The following COL4A3 variants were observed in gnomAD, a reference collection of about 807,000 sequenced individuals.
COL4A3 encodes collagen type IV alpha 3 chain.
COL4A3 carries 135 observed loss-of-function variants against 217.4 expected under a neutral mutation model. That is an observed-to-expected ratio of 0.62 (90% CI 0.54 to 0.72). The LOEUF is 0.72. Ranked by LOEUF, COL4A3 falls within the 30% of genes least tolerant of loss-of-function variation. The pLI is 0.00. For synonymous variants in COL4A3, 690 were observed against 736.3 expected, an observed-to-expected ratio of 0.94 and a Z score of 1.02; for missense variants, 1,868 against 2,119.9, an observed-to-expected ratio of 0.88 and a Z score of 2.33.
chr2:227,225,491 C>A (rs2068037661), intron 1 of COL4A3, among the ~76,000 whole-genome samples: 1 of 152,142 alleles, frequency 6.6e-6, no homozygotes, highest in Non-Finnish European at 1.5e-5. Context: ...ACTTTCACCT[C>A]TCAGACAGAA....
At chr2:227,267,517 C>T (rs1293719485) in intron 23 of COL4A3, among the ~76,000 whole-genome samples, 1 of 152,160 alleles carries the variant, frequency 6.6e-6, no homozygotes, top group Non-Finnish European at 1.5e-5. Context: ...TGTGGTATTT[C>T]ACTTTCTTCT....
At position 227,263,859 on chromosome 2, in the gene COL4A3, A is replaced by G. The variant is rs750215871; in HGVS notation, c.1230A>G (p.Gly410=). ...KGSKGERGRP[G]KDAMGTPGSP... ...GTAAAGGGGAACGAGGCCGCCCAGG[A>G]AAGGATGCCATGGGGACTCCTGGGT... The change falls in exon 21 of 52, where the codon GGA becomes GGG. Residue 410 remains glycine (G), a synonymous_variant. Transcript: ENST00000396578. 1.2e-6 allele frequency: 2 copies of G among 1,614,148 alleles called. No individual in the cohort carries two copies. Among genetic ancestry groups the G allele is most frequent in the Non-Finnish European group, 1.7e-6 (2 of 1,179,998 alleles).
intron 1 of COL4A3, among the ~76,000 whole-genome samples, chr2:227,206,660 GC>G (rs11296554): frequency 0.14 from 21,783 of 152,082 alleles, 1,687 homozygotes; most frequent in Non-Finnish European, 0.16. Context: ...CTCAAGCCCT[GC>G]CCCAGACCTA....
At chr2:227,236,719 G>A (rs898177352) in intron 1 of COL4A3, among the ~76,000 whole-genome samples, 2 of 151,082 alleles carry the variant, frequency 1.3e-5, no homozygotes, top group African/African-American at 4.8e-5. Context: ...GAGTGCAGTG[G>A]CATGATCTCA....
intron 1 of COL4A3, among the ~76,000 whole-genome samples, chr2:227,215,945 G>A (rs150745295): frequency 6.6e-6 from 1 of 152,258 alleles, no homozygotes; most frequent in East Asian, 1.9e-4. Context: ...TGAACCTTGA[G>A]TTCCTTATGC....
chr2:227,176,205 T>A (rs1413932531), intron 1 of COL4A3, among the ~76,000 whole-genome samples: 1 of 152,224 alleles, frequency 6.6e-6, no homozygotes, highest in Non-Finnish European at 1.5e-5. Context: ...TAATTATTTA[T>A]GTACATATGG....
intron 1 of COL4A3, among the ~76,000 whole-genome samples, chr2:227,230,069 A>AAAGAG (rs1404876137): frequency 6.6e-6 from 1 of 151,638 alleles, no homozygotes; most frequent in Non-Finnish European, 1.5e-5. Context: ...AAAAAAAAGA[A>AAAGAG]ATTTCCCAAA....
chr2:227,225,315 C>A (rs1188046464), intron 1 of COL4A3, among the ~76,000 whole-genome samples: 1 of 152,318 alleles, frequency 6.6e-6, no homozygotes, highest in South Asian at 2.1e-4. Flanking sequence ...TGCGTCTCCA[C>A]CTGCCAGCCT....
chr2:227,293,575 C>T (rs2106228613), intron 38 of COL4A3, among the ~76,000 whole-genome samples: 1 of 152,228 alleles, frequency 6.6e-6, no homozygotes, highest in South Asian at 2.1e-4. Context: ...CAAATTCAGC[C>T]CAAGGATACA....
At chr2:227,255,137 C>T (rs1162206355) in intron 15 of COL4A3, among the ~76,000 whole-genome samples, 1 of 152,142 alleles carries the variant, frequency 6.6e-6, no homozygotes, top group African/African-American at 2.4e-5. Flanking sequence ...ATTGGCCCAG[C>T]TTGGTCATAT....
At chr2:227,261,485 C>T (rs1328842501) in intron 20 of COL4A3, among the ~76,000 whole-genome samples, 3 of 152,178 alleles carry the variant, frequency 2.0e-5, no homozygotes, top group African/African-American at 7.2e-5. Context: ...TGAGATGGCA[C>T]CACTGCACTC....
intron 1 of COL4A3, among the ~76,000 whole-genome samples, chr2:227,176,631 A>G (rs16823286): frequency 0.064 from 9,671 of 152,244 alleles, 370 homozygotes; most frequent in Admixed American, 0.092. Flanking sequence ...AAATGAGTTC[A>G]AGTGTATTTA....
chr2:227,276,197 T>G (rs1156841245), intron 26 of COL4A3, among the ~76,000 whole-genome samples, 188 bp from the exon 27 acceptor site: 1 of 152,232 alleles, frequency 6.6e-6, no homozygotes, highest in Non-Finnish European at 1.5e-5. Context: ...TTATAAATAT[T>G]TGTTGATTCA....
At chr2:227,211,709 G>A (rs1251041360) in intron 1 of COL4A3, among the ~76,000 whole-genome samples, 1 of 151,382 alleles carries the variant, frequency 6.6e-6, no homozygotes. Context: ...CCAGGCTGGA[G>A]TGCAGTGGTG....
At chr2:227,167,980 G>A (rs553843889) in intron 1 of COL4A3, among the ~76,000 whole-genome samples, 4 of 152,080 alleles carry the variant, frequency 2.6e-5, no homozygotes, top group East Asian at 1.9e-4. Context: ...CACATTACAC[G>A]TATCTATTGG....
At chr2:227,232,825 T>C (rs973040159) in intron 1 of COL4A3, among the ~76,000 whole-genome samples, 2 of 152,170 alleles carry the variant, frequency 1.3e-5, no homozygotes, top group African/African-American at 4.8e-5. Context: ...TATGAATGCA[T>C]AAAAAGACAT....
intron 2 of COL4A3, 68 bp downstream of exon 2, chr2:227,238,092 CT>C: frequency 2.0e-6 from 2 of 1,012,328 alleles, no homozygotes; most frequent in Non-Finnish European, 3.1e-6. Flanking sequence ...CAACCTTCTT[CT>C]TTCATCGGTA....
intron 32 of COL4A3, 111 bp from the exon 33 acceptor site, chr2:227,283,656 T>G: frequency 1.0e-6 from 1 of 957,920 alleles, no homozygotes; most frequent in Non-Finnish European, 1.7e-6. Context: ...AGAGGCCATT[T>G]TTTCAACTCC....
Position 227,240,165 on chromosome 2 carries a change from C to T in COL4A3, c.167C>T (p.Pro56Leu). 1 of 1,610,592 alleles carries T rather than the reference C, an allele frequency of 6.2e-7. No homozygotes were observed. Among genetic ancestry groups the T allele is most frequent in the Non-Finnish European group, 8.5e-7 (1 of 1,178,650 alleles). Residue 56 changes from proline to leucine, a missense_variant, in exon 3 of 52, where the codon CCC becomes CTC. Around this residue, in one of 2 missense-constraint regions of COL4A3, gnomAD observed 365 missense variants for 333.8 expected, o/e 1.09. Coordinates refer to ENST00000396578, the MANE Select transcript of COL4A3 (RefSeq NM_000091.5). Reference protein sequence around the residue: ...GEKGEKGFPGPPGSPGQKGFT... With the variant: ...GEKGEKGFPGLPGSPGQKGFT... ...CAGGGGGAGAAGGGCTTTCCTGGAC[C>T]CCCCGGTTCTCCTGGCCAGAAAGGA...
Sources: gnomAD v4.1 joint callset for allele counts (sites outside exome capture counted in the v4.1 genomes callset) on GRCh38, gnomAD v4.1.1 for gene constraint, gnomAD v4.1.1 regional missense constraint, MANE v1.5 for transcripts, NCBI Gene and HGNC (gene_info 2026-07-23, HGNC 2026-07-21) for gene names.